The following CA8 variants were observed in gnomAD, a reference collection of about 807,000 sequenced individuals.
CA8 encodes the protein carbonic anhydrase 8 (inactive).
A neutral mutation model predicts 41.4 loss-of-function variants in CA8; 22 were observed. The observed-to-expected ratio is 0.53, with a 90% CI of 0.38 to 0.76. The LOEUF (loss-of-function observed/expected upper bound fraction) is 0.76, where lower values mean the gene tolerates loss of function less well. Among genes scored for constraint, CA8 ranks in the 30% least tolerant of loss-of-function variants. The pLI is 0.00. For missense variants in CA8, 270 were observed against 352.8 expected (o/e 0.77, Z 1.88); for synonymous variants, 121 against 130.6 (o/e 0.93, Z 0.50).
At chr8:60,197,453 T>C (rs115743030) in intron 8 of CA8, among the ~76,000 whole-genome samples, 1,529 of 152,284 alleles carry the variant, frequency 0.01, 31 homozygotes, top group African/African-American at 0.035. Context: ...TGTTAAGCAC[T>C]TTAATTGCAT....
At chr8:60,252,572 A>T (rs76533873) in intron 3 of CA8, among the ~76,000 whole-genome samples, 5,848 of 152,282 alleles carry the variant, frequency 0.038, 170 homozygotes, top group South Asian at 0.13. Context: ...AAAGCATAGT[A>T]TAGCTTCAAA....
chr8:60,225,369 T>G (rs1807396567), intron 5 of CA8, among the ~76,000 whole-genome samples: 1 of 152,156 alleles, frequency 6.6e-6, no homozygotes, highest in South Asian at 2.1e-4. Context: ...CTGGGACTAT[T>G]TCAAACATTA....
chr8:60,255,583 A>G (rs1217855025), intron 3 of CA8, among the ~76,000 whole-genome samples: 5 of 152,216 alleles, frequency 3.3e-5, no homozygotes, highest in Non-Finnish European at 7.3e-5. Flanking sequence ...TAGAGAATTT[A>G]CTTGCCTTTG....
intron 7 of CA8, among the ~76,000 whole-genome samples, chr8:60,221,258 A>G (rs1414989845): frequency 2.6e-5 from 4 of 152,152 alleles, no homozygotes; most frequent in Non-Finnish European, 5.9e-5. Context: ...GGTTTCTTCC[A>G]TATGTGTTTC....
chr8:60,226,355 T>C (rs1807438231), intron 5 of CA8, among the ~76,000 whole-genome samples: 1 of 152,150 alleles, frequency 6.6e-6, no homozygotes, highest in Non-Finnish European at 1.5e-5. Flanking sequence ...GTATTTATGG[T>C]GAACTCCTGT....
intron 7 of CA8, among the ~76,000 whole-genome samples, chr8:60,221,959 T>C (rs1385039895): frequency 1.3e-5 from 2 of 152,160 alleles, no homozygotes; most frequent in Non-Finnish European, 2.9e-5. Flanking sequence ...AGAAACAATA[T>C]AGCTCTCCAG....
chr8:60,189,096 C>A lies in CA8; in HGVS notation c.*925G>T, dbSNP rs1476307189. On this transcript the variant is annotated 3_prime_UTR_variant, in exon 9 of 9. Coordinates refer to ENST00000317995, the MANE Select transcript of CA8 (RefSeq NM_004056.6). Reference sequence around the variant, plus strand: ...TATACGCTTACATCTGCTAGTGGCACCTAAAATAAGGATATTGTTGGTCAT... The same window carrying A: ...TATACGCTTACATCTGCTAGTGGCAACTAAAATAAGGATATTGTTGGTCAT... 2 of 152,056 alleles carry A rather than the reference C, an allele frequency of 1.3e-5. No individual in the cohort carries two copies. The highest frequency in any genetic ancestry group is 2.9e-5 in the Non-Finnish European group (2 of 68,018). 9.4% of individuals were successfully genotyped at this position (152,056 alleles called of 1,614,324 possible). A position where few individuals can be genotyped will look rare whatever the true frequency, so the allele number is the denominator to read the frequency against.
At chr8:60,277,457 G>A (rs1276828680) in intron 2 of CA8, among the ~76,000 whole-genome samples, 2 of 152,042 alleles carry the variant, frequency 1.3e-5, no homozygotes, top group Non-Finnish European at 2.9e-5. Context: ...AGGTTCAAGT[G>A]ATTCTCCTGC....
chr8:60,239,651 T>C (rs769309627), intron 3 of CA8, among the ~76,000 whole-genome samples: 1 of 152,202 alleles, frequency 6.6e-6, no homozygotes, highest in Non-Finnish European at 1.5e-5. Flanking sequence ...GGTTCACTCA[T>C]GGATTGATAC....
rs932653220 is a variant in CA8, at chr8:60,278,836, T to C, written c.292+853A>G. On this transcript the variant is annotated intron_variant, in intron 2 of 8. Transcript: ENST00000317995. ...ATTTTATAGTTTGAGGTATCAACTT[T>C]ATCAACTTGGAATTAATTTTCGAGC... 1.4e-4 allele frequency among the ~76,000 whole-genome samples: 21 copies of C among 152,366 alleles called. 1 individual carries two copies. The East Asian group carries it at 4.0e-3, about 29-fold the overall frequency.
At chr8:60,191,664 C>T (rs891223027) in intron 8 of CA8, among the ~76,000 whole-genome samples, 2 of 152,026 alleles carry the variant, frequency 1.3e-5, no homozygotes, top group Admixed American at 6.6e-5. Context: ...AGGACCAGTG[C>T]GCTGCAGAAC....
chr8:60,270,477 G>A (rs976237320), intron 2 of CA8, among the ~76,000 whole-genome samples: 2 of 152,170 alleles, frequency 1.3e-5, no homozygotes, highest in Non-Finnish European at 2.9e-5. Context: ...GTGCAGTGGT[G>A]TGATCTCGGC....
At chr8:60,271,323 G>A (rs1386141099) in intron 2 of CA8, among the ~76,000 whole-genome samples, 1 of 151,094 alleles carries the variant, frequency 6.6e-6, no homozygotes, top group South Asian at 2.1e-4. Flanking sequence ...AACAGAATGA[G>A]AGCCTGAAAA....
In CA8 at chr8:60,187,780, A is replaced by C. The variant is rs1408718554; in HGVS notation, c.*2241T>G. On this transcript the variant is annotated 3_prime_UTR_variant, in exon 9 of 9. Coordinates refer to ENST00000317995, the MANE Select transcript of CA8 (RefSeq NM_004056.6). ...TTAAATTGTTTCATAAACAAAATGCACCCTAAATTAAATTTCAAGATCTAT... is the reference window on the plus strand; with the variant it reads ...TTAAATTGTTTCATAAACAAAATGCCCCCTAAATTAAATTTCAAGATCTAT... The C allele has an allele frequency of 6.6e-6, 1 of 152,144 alleles. No individual in the cohort carries two copies. Among genetic ancestry groups the C allele is most frequent in the Non-Finnish European group, 1.5e-5 (1 of 68,010 alleles). 9.4% of individuals were successfully genotyped at this position (152,144 alleles called of 1,614,324 possible).
At chr8:60,211,875 A>C (rs1258149056) in intron 7 of CA8, among the ~76,000 whole-genome samples, 3 of 152,212 alleles carry the variant, frequency 2.0e-5, no homozygotes, top group African/African-American at 7.2e-5. Flanking sequence ...CACTGAAATG[A>C]GAGATTGTGA....
intron 4 of CA8, among the ~76,000 whole-genome samples, chr8:60,227,146 C>T (rs908186445): frequency 2.6e-5 from 4 of 152,092 alleles, no homozygotes; most frequent in Non-Finnish European, 4.4e-5. Flanking sequence ...AAAAAATTAG[C>T]TGGGCATGGT....
chr8:60,221,685 A>G (rs550397870), intron 7 of CA8, among the ~76,000 whole-genome samples: 45 of 152,246 alleles, frequency 3.0e-4, no homozygotes, highest in Non-Finnish European at 5.6e-4. Flanking sequence ...CAAAGTTCAT[A>G]AAATAATGAA....
In CA8 at chr8:60,269,270, G is replaced by T. The variant is rs568146070; in HGVS notation, c.293-3221C>A. On this transcript the variant is annotated intron_variant, in intron 2 of 8. Coordinates refer to ENST00000317995, the MANE Select transcript of CA8 (RefSeq NM_004056.6). The stretch of plus-strand genomic sequence containing the variant: ...ATAAAAAAACAAATCATCTCAGAAG[G>T]GGTAGCCTTTTCCTACATTTATGAA... Among the ~76,000 whole-genome samples, 5 of 152,148 alleles carry T rather than the reference G, an allele frequency of 3.3e-5. 1 individual carries two copies. The highest frequency in any genetic ancestry group is 3.3e-4 in the Admixed American group (5 of 15,290).
intron 2 of CA8, among the ~76,000 whole-genome samples, chr8:60,271,430 C>G (rs894077015): frequency 2.0e-4 from 31 of 152,172 alleles, no homozygotes; most frequent in African/African-American, 7.2e-4. Context: ...AGAGCCTCTT[C>G]TTCAGTGAAA....
Sources: allele counts gnomAD v4.1 joint callset (sites outside exome capture counted in the v4.1 genomes callset), GRCh38; gene constraint gnomAD v4.1.1; transcripts MANE v1.5; gene names NCBI Gene and HGNC (gene_info 2026-07-23, HGNC 2026-07-21).